The following ATF2 variants were observed in gnomAD, a reference collection of about 807,000 sequenced individuals.
ATF2 encodes the protein activating transcription factor 2.
A neutral mutation model predicts 60.6 loss-of-function variants in ATF2; 24 were observed. That is an observed-to-expected ratio of 0.40 (90% CI 0.29 to 0.56). The LOEUF is 0.56. ATF2 is among the 20% of genes least tolerant of loss of function. ATF2 has a pLI of 0.54. For missense variants in ATF2, 433 were observed against 607.7 expected (o/e 0.71, Z 3.02); for synonymous variants, 206 against 215.4 (o/e 0.96, Z 0.38).
intron 12 of ATF2, among the ~76,000 whole-genome samples, chr2:175,084,291 C>T (rs189897414): frequency 4.6e-5 from 7 of 152,018 alleles, no homozygotes; most frequent in African/African-American, 1.7e-4. Flanking sequence ...GGCACATATA[C>T]ACCATGGAAT....
rs1032813546 is a variant in ATF2 at position 175,074,383 on chromosome 2, CTAA to C, written c.*223_*225del. The stretch of plus-strand genomic sequence containing the variant: ...ATTGAGCACAGAAAAATTAATAAAT[CTAA>C]TAATATTTATAAAAAAAGCAAAATC... On this transcript the variant is annotated 3_prime_UTR_variant, in exon 14 of 14. Transcript: ENST00000264110. The C allele has an allele frequency of 5.5e-5, 19 of 342,966 alleles. No homozygotes were observed. The East Asian group carries it at 5.7e-4, about 10-fold the overall frequency. The allele number at this position is 342,966 out of a possible 1,614,324, so 21.2% of individuals were successfully genotyped here.
At chr2:175,142,992 A>G (rs900194640) in intron 2 of ATF2, among the ~76,000 whole-genome samples, 1 of 152,164 alleles carries the variant, frequency 6.6e-6, no homozygotes, top group Non-Finnish European at 1.5e-5. Context: ...CTGGGATTAC[A>G]GGCAATGCTA....
In ATF2 at chr2:175,072,654, T is replaced by A. The variant is rs2105509982; in HGVS notation, c.*1955A>T. 1 of 152,262 alleles carries A rather than the reference T, an allele frequency of 6.6e-6. No homozygotes were observed. Among genetic ancestry groups the A allele is most frequent in the South Asian group, 2.1e-4 (1 of 4,832 alleles). The allele number at this position is 152,262 out of a possible 1,614,324, so 9.4% of individuals were successfully genotyped here. On this transcript the variant is annotated 3_prime_UTR_variant, in exon 14 of 14. Coordinates refer to ENST00000264110, the MANE Select transcript of ATF2 (RefSeq NM_001880.4). ...GAGGCTTTTCCTAACCCATTCAAAC[T>A]ACAATAAAAAATAGCCTTCTTGCAG...
chr2:175,100,275 C>A (rs931708060), intron 10 of ATF2, among the ~76,000 whole-genome samples: 4 of 152,128 alleles, frequency 2.6e-5, no homozygotes, highest in Non-Finnish European at 5.9e-5. Context: ...CTATCTGACT[C>A]GTAAAAGAAT....
chr2:175,143,022 G>A (rs1321139731), intron 2 of ATF2, among the ~76,000 whole-genome samples: 2 of 152,130 alleles, frequency 1.3e-5, no homozygotes, highest in Non-Finnish European at 1.5e-5. Flanking sequence ...ACTAAAAGCT[G>A]AAGTTTTCAT....
At chr2:175,094,403 G>GAAAAAAAAAAAAA (rs61440218) in intron 11 of ATF2, among the ~76,000 whole-genome samples, 1,369 of 61,148 alleles carry the variant, frequency 0.022, 5 homozygotes, top group Non-Finnish European at 0.033. Flanking sequence ...CAAAAAATAC[G>GAAAAAAAAAAAAA]AAAAAAAAAA....
chr2:175,122,137 A>G (rs1362829619), intron 4 of ATF2, among the ~76,000 whole-genome samples: 1 of 151,980 alleles, frequency 6.6e-6, no homozygotes, highest in Non-Finnish European at 1.5e-5. Flanking sequence ...AGTAGCCAAA[A>G]TAATTTTTTC....
intron 12 of ATF2, among the ~76,000 whole-genome samples, chr2:175,084,964 T>C (rs537810709): frequency 6.2e-4 from 95 of 152,184 alleles, no homozygotes; most frequent in Middle Eastern, 3.4e-3. Context: ...GAAGGTGAAA[T>C]GAAAAAGCTT....
chr2:175,105,880 C>T (rs1218206895), intron 10 of ATF2, among the ~76,000 whole-genome samples: 2 of 152,046 alleles, frequency 1.3e-5, no homozygotes, highest in African/African-American at 2.4e-5. Context: ...TTATACAGTG[C>T]ACTTCTAAAT....
chr2:175,150,676 G>T (rs974546048), intron 2 of ATF2, among the ~76,000 whole-genome samples: 2 of 151,810 alleles, frequency 1.3e-5, no homozygotes, highest in Non-Finnish European at 2.9e-5. Context: ...TAAACTTTTT[G>T]CCCAAAATAT....
intron 10 of ATF2, among the ~76,000 whole-genome samples, chr2:175,105,547 T>C (rs1335535438): frequency 6.6e-6 from 1 of 152,198 alleles, no homozygotes; most frequent in South Asian, 2.1e-4. Flanking sequence ...TAACAATTGA[T>C]AGAAATAGCT....
At chr2:175,132,998 G>C (rs1049145972) in intron 3 of ATF2, among the ~76,000 whole-genome samples, 2 of 151,634 alleles carry the variant, frequency 1.3e-5, no homozygotes, top group African/African-American at 4.8e-5. Flanking sequence ...TGAGGCATGA[G>C]AATCACTTGA....
intron 5 of ATF2, among the ~76,000 whole-genome samples, chr2:175,120,034 G>A (rs185384492): frequency 1.3e-4 from 19 of 151,094 alleles, no homozygotes; most frequent in Admixed American, 1.1e-3. Context: ...ACATGTTAGT[G>A]AAAAAAAAGG....
intron 11 of ATF2, among the ~76,000 whole-genome samples, chr2:175,096,517 G>T (rs1442767189): frequency 6.6e-6 from 1 of 152,130 alleles, no homozygotes; most frequent in Non-Finnish European, 1.5e-5. Context: ...AAATAACAAA[G>T]AGTAATGTTT....
intron 13 of ATF2, chr2:175,080,271 C>G (rs1001276253): frequency 6.5e-6 from 1 of 153,762 alleles, no homozygotes; most frequent in Non-Finnish European, 1.4e-5. Flanking sequence ...AGGCAGTCAG[C>G]TGATTTTAAA....
chr2:175,098,882 A>C (rs892363677), intron 10 of ATF2, among the ~76,000 whole-genome samples: 1 of 152,210 alleles, frequency 6.6e-6, no homozygotes, highest in African/African-American at 2.4e-5. Flanking sequence ...CAGATCCCAT[A>C]AAAACTGAAG....
intron 10 of ATF2, among the ~76,000 whole-genome samples, chr2:175,100,645 C>T (rs1695252270): frequency 6.6e-6 from 1 of 152,214 alleles, no homozygotes. Context: ...CATATTTGCC[C>T]TGGCATGCGT....
At chr2:175,140,323 A>C (rs1698416344) in intron 2 of ATF2, among the ~76,000 whole-genome samples, 1 of 152,226 alleles carries the variant, frequency 6.6e-6, no homozygotes, top group South Asian at 2.1e-4. Flanking sequence ...TTTTCTTGAA[A>C]ACTACTGACA....
intron 7 of ATF2, 40 bp from the exon 8 acceptor site, chr2:175,114,908 T>C (rs1270790957): frequency 2.5e-6 from 4 of 1,593,074 alleles, no homozygotes; most frequent in Non-Finnish European, 3.4e-6. Flanking sequence ...CATTTAAAAA[T>C]ACAAATCATG....
Sources: gnomAD v4.1 joint callset for allele counts (sites outside exome capture counted in the v4.1 genomes callset) on GRCh38, gnomAD v4.1.1 for gene constraint, MANE v1.5 for transcripts, NCBI Gene and HGNC (gene_info 2026-07-23, HGNC 2026-07-21) for gene names.